Variants in ERBB4 observed in about 807,000 individuals in gnomAD.
The protein encoded by ERBB4 is erb-b2 receptor tyrosine kinase 4.
Under a neutral mutation model 158.0 loss-of-function variants are expected in ERBB4, and 42 were observed. That is an observed-to-expected ratio of 0.27 (90% confidence interval 0.21 to 0.34). The LOEUF is 0.34. ERBB4 is among the 10% of genes least tolerant of loss of function. The pLI, the probability that ERBB4 is intolerant of heterozygous loss-of-function variation, is 1.00. For missense variants in ERBB4, 1,333 were observed against 1,624.1 expected (o/e 0.82, Z 3.08); for synonymous variants, 583 against 558.7 (o/e 1.04, Z -0.61).
At chr2:212,322,172 T>A (rs2087595985) in intron 1 of ERBB4, among the ~76,000 whole-genome samples, 1 of 150,526 alleles carries the variant, frequency 6.6e-6, no homozygotes, top group African/African-American at 2.4e-5. Flanking sequence ...TAGGCTTTTC[T>A]GTTGAGGCTG....
rs1010071426 is a variant in ERBB4, at chr2:212,061,032, C to G, written c.234+63720G>C. Among the ~76,000 whole-genome samples the G allele has an allele frequency of 1.3e-5, 2 of 151,636 alleles. 1 individual carries two copies. The highest frequency in any genetic ancestry group is 4.2e-4 in the South Asian group (2 of 4,776). ...TAAAAAATATTTTGGAATAGATACT[C>G]TTAATTGAGGTCACTTAAAAGTAAT... On this transcript the variant is annotated intron_variant, in intron 2 of 27. Coordinates refer to ENST00000342788, the MANE Select transcript of ERBB4 (RefSeq NM_005235.3).
At chr2:212,057,532 A>G (rs1169401958) in intron 2 of ERBB4, among the ~76,000 whole-genome samples, 1 of 152,214 alleles carries the variant, frequency 6.6e-6, no homozygotes, top group Non-Finnish European at 1.5e-5. Context: ...AGTTGGAAGT[A>G]AAGCACTCCT....
At chr2:211,440,010 C>T (rs1177803821) in intron 20 of ERBB4, among the ~76,000 whole-genome samples, 2 of 152,104 alleles carry the variant, frequency 1.3e-5, no homozygotes, top group Non-Finnish European at 2.9e-5. Flanking sequence ...GAAGAACAGC[C>T]TCCTTGGGGC....
At chr2:212,123,362 C>G (rs373359798) in intron 2 of ERBB4, among the ~76,000 whole-genome samples, 2 of 152,174 alleles carry the variant, frequency 1.3e-5, no homozygotes, top group East Asian at 3.8e-4. Context: ...GATATCACAC[C>G]ACTGCGCTCC....
At chr2:212,534,385 G>C (rs1260529413) in intron 1 of ERBB4, among the ~76,000 whole-genome samples, 1 of 152,120 alleles carries the variant, frequency 6.6e-6, no homozygotes, top group Non-Finnish European at 1.5e-5. Flanking sequence ...GGAAAAGAAA[G>C]AAAGAAAAAG....
intron 1 of ERBB4, among the ~76,000 whole-genome samples, chr2:212,156,528 T>C (rs907601887): frequency 6.6e-6 from 1 of 152,128 alleles, no homozygotes; most frequent in Non-Finnish European, 1.5e-5. Context: ...TATAATTGTA[T>C]TCAGTATTCA....
At chr2:211,650,807 CG>C (rs1194218856) in intron 16 of ERBB4, among the ~76,000 whole-genome samples, 3 of 152,108 alleles carry the variant, frequency 2.0e-5, no homozygotes, top group African/African-American at 7.2e-5. Context: ...AACATTTCAA[CG>C]TGTCACTGAT....
At chr2:212,372,203 G>C (rs1340402952) in intron 1 of ERBB4, among the ~76,000 whole-genome samples, 1 of 151,980 alleles carries the variant, frequency 6.6e-6, no homozygotes, top group Non-Finnish European at 1.5e-5. Context: ...CAGACACAAA[G>C]TATAGCTATG....
chr2:212,457,805 A>G (rs1423274331), intron 1 of ERBB4, among the ~76,000 whole-genome samples: 1 of 152,016 alleles, frequency 6.6e-6, no homozygotes, highest in African/African-American at 2.4e-5. Context: ...ATTCTTTTTA[A>G]TTTGCACTAA....
intron 20 of ERBB4, among the ~76,000 whole-genome samples, chr2:211,494,877 G>A (rs1383809750): frequency 1.3e-5 from 2 of 152,128 alleles, no homozygotes; most frequent in East Asian, 3.8e-4. Flanking sequence ...GAAACGAACT[G>A]TGTTTCCTAA....
intron 2 of ERBB4, among the ~76,000 whole-genome samples, chr2:212,011,351 A>G (rs2076381428): frequency 6.6e-6 from 1 of 152,100 alleles, no homozygotes. Flanking sequence ...ATTTAGTCCC[A>G]TGTGTTTAGT....
At chr2:211,580,697 CA>C (rs2068041353) in intron 19 of ERBB4, among the ~76,000 whole-genome samples, 1 of 147,206 alleles carries the variant, frequency 6.8e-6, no homozygotes, top group African/African-American at 2.5e-5. Context: ...GATACCTGCA[CA>C]TGCATGTTTA....
At chr2:212,527,690 T>TTTTATTTAA (rs1553660062) in intron 1 of ERBB4, among the ~76,000 whole-genome samples, 3 of 149,722 alleles carry the variant, frequency 2.0e-5, no homozygotes, top group Non-Finnish European at 4.5e-5. Context: ...TCCCCAAATC[T>TTTTATTTAA]TTTATTTATT....
chr2:212,119,262 A>G (rs981839245), intron 2 of ERBB4, among the ~76,000 whole-genome samples: 14 of 152,154 alleles, frequency 9.2e-5, no homozygotes, highest in Non-Finnish European at 1.6e-4. Flanking sequence ...TCACTATATG[A>G]TCTACATTTC....
At chr2:211,996,529 A>T (rs1337237849) in intron 2 of ERBB4, among the ~76,000 whole-genome samples, 1 of 152,202 alleles carries the variant, frequency 6.6e-6, no homozygotes, top group Non-Finnish European at 1.5e-5. Flanking sequence ...ATCCCATTAG[A>T]AATTAAAAGC....
chr2:212,088,253 G>C (rs2078673648), intron 2 of ERBB4, among the ~76,000 whole-genome samples: 4 of 152,204 alleles, frequency 2.6e-5, no homozygotes, highest in Admixed American at 2.6e-4. Flanking sequence ...TTAATAAATA[G>C]AAGTTTCCTA....
In ERBB4 at chr2:211,716,575, C is replaced by A. The variant is rs1160952448; in HGVS notation, c.884-2927G>T. Among the ~76,000 whole-genome samples the A allele has an allele frequency of 2.6e-5, 4 of 151,804 alleles. No homozygotes were observed. In the East Asian group the frequency reaches 7.8e-4, roughly 30 times the overall value. On this transcript the variant is annotated intron_variant, in intron 7 of 27. Coordinates refer to ENST00000342788, the MANE Select transcript of ERBB4 (RefSeq NM_005235.3). ...CCTGTAGTCCCAGCTACTCGGGAGG[C>A]TGAGGCAGGAGAATGGCGTGAACCC...
intron 1 of ERBB4, among the ~76,000 whole-genome samples, chr2:212,140,702 CTTTAT>C (rs1210831327): frequency 6.6e-6 from 1 of 150,684 alleles, no homozygotes; most frequent in Non-Finnish European, 1.5e-5. Flanking sequence ...AGTTAAGAAA[CTTTAT>C]TTTAAAATAT....
chr2:211,714,402 A>T (rs1036085218), intron 7 of ERBB4, among the ~76,000 whole-genome samples: 1 of 152,196 alleles, frequency 6.6e-6, no homozygotes, highest in Non-Finnish European at 1.5e-5. Context: ...TTCTGGCACA[A>T]TATGCAATGT....
Sources: gnomAD v4.1 joint callset for allele counts (sites outside exome capture counted in the v4.1 genomes callset) on GRCh38, gnomAD v4.1.1 for gene constraint, MANE v1.5 for transcripts, NCBI Gene and HGNC (gene_info 2026-07-23, HGNC 2026-07-21) for gene names.